The following AGBL1 variants were observed in gnomAD, a reference collection of about 807,000 sequenced individuals.
AGBL1 encodes cytosolic carboxypeptidase 4.
AGBL1 carries 130 observed loss-of-function variants against 118.9 expected under a neutral mutation model. That is an observed-to-expected ratio of 1.09 (90% CI 0.95 to 1.26). AGBL1 has a LOEUF of 1.26. Among genes scored for constraint, AGBL1 ranks in the 50% most tolerant of loss-of-function variants. The pLI is 0.00. For missense variants in AGBL1, 1,584 were observed against 1,298.1 expected (o/e 1.22, Z -3.38); for synonymous variants, 555 against 478.9 (o/e 1.16, Z -2.08).
chr15:86,950,357 G>T (rs543115444), intron 23 of AGBL1, among the ~76,000 whole-genome samples: 133 of 150,894 alleles, frequency 8.8e-4, no homozygotes, highest in Middle Eastern at 3.5e-3. Flanking sequence ...ATTTACATTT[G>T]GGAAAGACTA....
At chr15:87,010,824 A>G (rs2081551857) in intron 24 of AGBL1, among the ~76,000 whole-genome samples, 1 of 152,036 alleles carries the variant, frequency 6.6e-6, no homozygotes, top group South Asian at 2.1e-4. Flanking sequence ...TCTGTCATCT[A>G]TCTGTCTGCC....
At chr15:86,142,181 A>AG (rs1175736064) in intron 2 of AGBL1, 114 bp downstream of exon 2, 1 of 1,037,310 alleles carries the variant, frequency 9.6e-7, no homozygotes, top group African/African-American at 1.6e-5. Context: ...GTTTCCTGTG[A>AG]GAGGCAGCAT....
intron 21 of AGBL1, among the ~76,000 whole-genome samples, chr15:86,578,599 T>C (rs1486828137): frequency 6.6e-6 from 1 of 152,210 alleles, no homozygotes; most frequent in Non-Finnish European, 1.5e-5. Flanking sequence ...CATGCATATC[T>C]CATGTTGAAT....
chr15:86,180,789 A>T (rs1240297606), intron 5 of AGBL1, among the ~76,000 whole-genome samples: 5 of 152,124 alleles, frequency 3.3e-5, no homozygotes, highest in Admixed American at 1.3e-4. Context: ...AAAAAGTTTT[A>T]TTCTGTATAT....
At chr15:86,565,879 A>T (rs149353149) in intron 21 of AGBL1, among the ~76,000 whole-genome samples, 6,565 of 152,220 alleles carry the variant, frequency 0.043, 377 homozygotes, top group African/African-American at 0.13. Flanking sequence ...TCGATCTCAG[A>T]CTGCTGTGCT....
intron 17 of AGBL1, among the ~76,000 whole-genome samples, chr15:86,361,606 A>G (rs566332144): frequency 6.6e-6 from 1 of 151,982 alleles, no homozygotes; most frequent in Non-Finnish European, 1.5e-5. Flanking sequence ...GTCAATGTTC[A>G]CTTTATATAT....
chr15:86,593,624 A>G (rs1355498458), intron 21 of AGBL1, among the ~76,000 whole-genome samples: 1 of 152,228 alleles, frequency 6.6e-6, no homozygotes, highest in Non-Finnish European at 1.5e-5. Context: ...TAATTTATAT[A>G]CAGTAAAATT....
At chr15:86,976,184 A>G (rs535253117) in intron 23 of AGBL1, among the ~76,000 whole-genome samples, 1 of 150,148 alleles carries the variant, frequency 6.7e-6, no homozygotes, top group Non-Finnish European at 1.5e-5. Flanking sequence ...ATGTATTAAT[A>G]AATTATATTA....
chr15:86,549,573 A>C (rs1332383860), intron 20 of AGBL1, among the ~76,000 whole-genome samples: 1 of 152,078 alleles, frequency 6.6e-6, no homozygotes, highest in Non-Finnish European at 1.5e-5. Flanking sequence ...AGTATAATCT[A>C]TGATGTCCAG....
chr15:86,477,314 A>G (rs1056459518), intron 18 of AGBL1, among the ~76,000 whole-genome samples: 17 of 152,354 alleles, frequency 1.1e-4, no homozygotes, highest in African/African-American at 4.1e-4. Flanking sequence ...TGAAAGATCA[A>G]CAAAATTGAT....
intron 22 of AGBL1, among the ~76,000 whole-genome samples, chr15:86,708,477 G>A (rs771355359): frequency 1.3e-5 from 2 of 152,128 alleles, no homozygotes; most frequent in Non-Finnish European, 2.9e-5. Flanking sequence ...ATAACTATGA[G>A]AAAGTGAGAA....
chr15:86,416,032 C>A (rs1259176524), intron 18 of AGBL1, among the ~76,000 whole-genome samples: 13 of 152,112 alleles, frequency 8.5e-5, no homozygotes, highest in Non-Finnish European at 4.4e-5. Context: ...GCATTTTCTG[C>A]TGTGTTCTTT....
chr15:86,659,709 G>A (rs999140439), intron 21 of AGBL1, among the ~76,000 whole-genome samples: 2 of 152,162 alleles, frequency 1.3e-5, no homozygotes. Context: ...AAGGTTGGAG[G>A]CAGGCAGGAA....
intron 22 of AGBL1, among the ~76,000 whole-genome samples, chr15:86,898,418 C>T (rs747344137): frequency 8.5e-5 from 13 of 152,158 alleles, no homozygotes; most frequent in Non-Finnish European, 1.6e-4. Flanking sequence ...CAATCTGCTG[C>T]ATATGACTAG....
At chr15:86,155,592 C>G (rs1198556303) in intron 4 of AGBL1, among the ~76,000 whole-genome samples, 2 of 152,184 alleles carry the variant, frequency 1.3e-5, no homozygotes, top group African/African-American at 4.8e-5. Flanking sequence ...TACCTTCTAT[C>G]TGATATGTAA....
intron 24 of AGBL1, among the ~76,000 whole-genome samples, chr15:87,025,751 C>G (rs1181458301): frequency 1.3e-5 from 2 of 151,970 alleles, no homozygotes; most frequent in Non-Finnish European, 2.9e-5. Context: ...TACCTGATTT[C>G]AAACTATACT....
Position 86,613,260 on chromosome 15 carries a change from G to T in AGBL1, c.2994+58723G>T, listed in dbSNP as rs2084681379. Among the ~76,000 whole-genome samples the T allele has an allele frequency of 6.6e-6, 1 of 152,164 alleles. No homozygotes were observed. ...CGGAGCGAGAGGTTTGTTGGTTTTGGAACGTAAGATCCCAAACCATTGGAG... is the reference window on the plus strand; with the variant it reads ...CGGAGCGAGAGGTTTGTTGGTTTTGTAACGTAAGATCCCAAACCATTGGAG... On this transcript the variant is annotated intron_variant, in intron 21 of 22. Transcript: ENST00000614907. The surrounding 1 kb of genome is among the most constrained non-coding windows in gnomAD (Gnocchi z 4.2).
In AGBL1 at chr15:86,143,733, G is replaced by A. The variant is rs1237521167; in HGVS notation, c.150G>A (p.Lys50=). Residue 50 remains lysine (K), a synonymous_variant, in exon 3 of 23, where the codon AAG becomes AAA. Transcript: ENST00000614907. ...TDRRIHYMIS[K]GGSEALLQTL... is the part of the protein sequence containing the mutation. Reference sequence around the variant, plus strand: ...GGAGAATTCACTACATGATCAGCAAGGGTGGCAGTGAAGCTCTTCTGCAGA... The same window carrying A: ...GGAGAATTCACTACATGATCAGCAAAGGTGGCAGTGAAGCTCTTCTGCAGA... 2 of 1,613,732 alleles carry A rather than the reference G, an allele frequency of 1.2e-6. No individual in the cohort carries two copies. Among genetic ancestry groups the A allele is most frequent in the African/African-American group, 2.7e-5 (2 of 74,924 alleles).
chr15:86,590,616 T>C (rs188191748), intron 21 of AGBL1, among the ~76,000 whole-genome samples: 223 of 152,352 alleles, frequency 1.5e-3, no homozygotes, highest in African/African-American at 5.0e-3. Context: ...GGTCTTGTTA[T>C]GTAGATGAAA....
Sources: gnomAD v4.1 joint callset for allele counts (sites outside exome capture counted in the v4.1 genomes callset) on GRCh38, gnomAD v4.1.1 for gene constraint, Gnocchi (gnomAD v3.1) non-coding constraint, MANE v1.5 for transcripts, NCBI Gene and HGNC (gene_info 2026-07-23, HGNC 2026-07-21) for gene names.